The following CTBP2 variants were observed in gnomAD, a reference collection of about 807,000 sequenced individuals.
CTBP2 encodes C-terminal binding protein 2.
In CTBP2, 30 loss-of-function variants were observed where a neutral mutation model predicts 80.3. The ratio of observed to expected loss-of-function variants is 0.37; its 90% CI spans 0.28 to 0.51. The LOEUF is 0.51. Ranked by LOEUF, CTBP2 falls within the 20% of genes least tolerant of loss-of-function variation. CTBP2 has a pLI of 0.93. For missense variants in CTBP2, 1,212 were observed against 1,375.3 expected (o/e 0.88, Z 1.88); for synonymous variants, 594 against 587.4 (o/e 1.01, Z -0.16).
intron 1 of CTBP2, among the ~76,000 whole-genome samples, chr10:125,159,279 G>A (rs1861506145): frequency 6.8e-6 from 1 of 147,758 alleles, no homozygotes; most frequent in African/African-American, 2.5e-5. Context: ...TTTTTGATTC[G>A]CCCCACCCGA....
chr10:125,100,461 G>A (rs1364056953), intron 2 of CTBP2: 1 of 152,062 alleles, frequency 6.6e-6, no homozygotes, highest in Admixed American at 6.6e-5. Context: ...AGCAAGACAA[G>A]GCTACAACCC....
chr10:125,008,404 T>C (rs1590037167), intron 1 of CTBP2, among the ~76,000 whole-genome samples: 1 of 152,198 alleles, frequency 6.6e-6, no homozygotes, highest in African/African-American at 2.4e-5. Flanking sequence ...GGTTGCCCCA[T>C]GAAGTCCCTG....
intron 1 of CTBP2, among the ~76,000 whole-genome samples, chr10:125,148,652 G>A (rs1859252583): frequency 6.6e-6 from 1 of 152,170 alleles, no homozygotes; most frequent in African/African-American, 2.4e-5. Flanking sequence ...GGACATGAGA[G>A]CCTCAACTAA....
At chr10:125,100,610 C>T (rs933388182) in intron 2 of CTBP2, 2 of 152,092 alleles carry the variant, frequency 1.3e-5, no homozygotes, top group African/African-American at 4.8e-5. Context: ...CTAAGCATGT[C>T]TTTATTTGTA....
rs1295689145 is a variant in CTBP2, at chr10:125,146,664, A to G, written c.-206+13655T>C. On this transcript the variant is annotated intron_variant, in intron 1 of 10. Coordinates refer to the CTBP2 transcript ENST00000337195. ...AAATGACCAGCCCACTCTGAAGGTG[A>G]CAAACTAACTGCCGGACAGGCACCT... Among the ~76,000 whole-genome samples the G allele has an allele frequency of 2.0e-5, 3 of 152,166 alleles. No homozygotes were observed. The East Asian group carries it at 5.8e-4, about 29-fold the overall frequency.
At chr10:125,030,680 T>C (rs892910973), upstream of CTBP2, among the ~76,000 whole-genome samples, 9 of 152,222 alleles carry the variant, frequency 5.9e-5, no homozygotes, top group African/African-American at 1.4e-4. Flanking sequence ...AGTCTGAAGG[T>C]TGCAGTAACA....
intron 1 of CTBP2, among the ~76,000 whole-genome samples, chr10:125,014,769 C>T (rs1315802750): frequency 1.3e-5 from 2 of 152,336 alleles, no homozygotes; most frequent in East Asian, 3.9e-4. Flanking sequence ...GAGTTTCACC[C>T]AGTTCTGAGC....
At chr10:125,075,272 C>G (rs1020373506) in intron 2 of CTBP2, among the ~76,000 whole-genome samples, 4 of 152,118 alleles carry the variant, frequency 2.6e-5, no homozygotes, top group African/African-American at 9.7e-5. Flanking sequence ...ATATGGCCCC[C>G]AAGAAGAGTA....
chr10:125,074,280 C>T (rs1348474036), intron 2 of CTBP2, among the ~76,000 whole-genome samples: 1 of 152,190 alleles, frequency 6.6e-6, no homozygotes, highest in East Asian at 1.9e-4. Flanking sequence ...AGACAATTGG[C>T]TGTAGGCAAT....
intron 1 of CTBP2, among the ~76,000 whole-genome samples, chr10:125,129,962 T>C (rs1292040918): frequency 2.0e-5 from 3 of 151,536 alleles, no homozygotes; most frequent in South Asian, 2.1e-4. Context: ...CCCAGGACAA[T>C]GACATGTGCA....
intron 1 of CTBP2, among the ~76,000 whole-genome samples, chr10:125,021,844 A>T (rs1957069378): frequency 6.6e-6 from 1 of 152,196 alleles, no homozygotes; most frequent in South Asian, 2.1e-4. Context: ...GGTGTGTTCA[A>T]TGTTTTGCTA....
intron 3 of CTBP2, among the ~76,000 whole-genome samples, 161 bp downstream of exon 3, chr10:125,038,836 G>A (rs947992747): frequency 2.0e-5 from 3 of 152,186 alleles, no homozygotes; most frequent in Non-Finnish European, 4.4e-5. Context: ...CCAGGCCCAC[G>A]GCCAAGGACA....
At chr10:125,012,230 G>C (rs539409936) in intron 1 of CTBP2, among the ~76,000 whole-genome samples, 1 of 152,328 alleles carries the variant, frequency 6.6e-6, no homozygotes, top group South Asian at 2.1e-4. Flanking sequence ...CGGGAGGGAG[G>C]ACAGGATGTG....
intron 2 of CTBP2, among the ~76,000 whole-genome samples, chr10:125,109,699 C>T (rs2135914734): frequency 6.6e-6 from 1 of 152,352 alleles, no homozygotes; most frequent in South Asian, 2.1e-4. Context: ...TGGCCTTTGG[C>T]CCAGCAAAGC....
chr10:125,027,311 G>T lies in CTBP2; in HGVS notation c.449C>A (p.Pro150Gln). 2 of 1,613,792 alleles carry T rather than the reference G, an allele frequency of 1.2e-6. No homozygotes were observed. The highest frequency in any genetic ancestry group is 1.7e-6 in the Non-Finnish European group (2 of 1,180,012). ...CAGGGCAGGTGACCGGCCTTGCATT[G>T]GATCCCATGACGTTCTGCTGCCAAG... Residue 150 changes from proline (P) to glutamine (Q), a missense_variant, in exon 1 of 9, where the codon CCA (proline) becomes CAA (glutamine). Physicochemically the swap from Pro to Gln is moderately conservative, Grantham distance 76 (BLOSUM62 -1). Transcript: ENST00000309035.
chr10:125,008,851 A>T (rs994167886), intron 1 of CTBP2, among the ~76,000 whole-genome samples: 12 of 152,230 alleles, frequency 7.9e-5, no homozygotes, highest in African/African-American at 2.4e-4. Context: ...ATTTAGCCTA[A>T]ATATTTGCCT....
chr10:125,019,357 G>T (rs1213125723), intron 1 of CTBP2, among the ~76,000 whole-genome samples: 4 of 152,110 alleles, frequency 2.6e-5, no homozygotes, highest in Admixed American at 1.3e-4. Context: ...TCCCACGTAT[G>T]AGCAAGGAAT....
At position 124,984,561 on chromosome 10, in the gene CTBP2, T is replaced by C. The variant is rs1156595141; in HGVS notation, c.*4957A>G. ...CTAGTGTGCTCCTCTTTAGTTTTTT[T>C]CTGAGAAATTTCCCATTTATGTCTT... On this transcript the variant is annotated 3_prime_UTR_variant, in exon 9 of 9. Transcript: ENST00000309035. The C allele has an allele frequency of 1.1e-5, 6 of 539,282 alleles. No homozygotes were observed. The highest frequency in any genetic ancestry group is 1.6e-5 in the Non-Finnish European group (5 of 307,990). 33.4% of individuals were successfully genotyped at this position (539,282 alleles called of 1,614,324 possible). A position where few individuals can be genotyped will look rare whatever the true frequency, so the allele number is the denominator to read the frequency against.
chr10:125,117,682 C>T, intron 1 of CTBP2, among the ~76,000 whole-genome samples: 1 of 152,228 alleles, frequency 6.6e-6, no homozygotes, highest in Non-Finnish European at 1.5e-5. Context: ...GAGAGGTTGT[C>T]ACTTTAGCAT....
Sources: gnomAD v4.1 joint callset for allele counts (sites outside exome capture counted in the v4.1 genomes callset) on GRCh38, gnomAD v4.1.1 for gene constraint, MANE v1.5 for transcripts, NCBI Gene and HGNC (gene_info 2026-07-23, HGNC 2026-07-21) for gene names.